Variants in ADAMTSL3 observed in about 807,000 individuals in gnomAD.
The protein encoded by ADAMTSL3 is ADAMTS-like protein 3.
A neutral mutation model predicts 201.7 loss-of-function variants in ADAMTSL3; 128 were observed. The ratio of observed to expected loss-of-function variants is 0.63; its 90% CI spans 0.55 to 0.73. ADAMTSL3 has a LOEUF of 0.73. ADAMTSL3 is among the 30% of genes least tolerant of loss of function. ADAMTSL3 has a pLI of 0.00. For missense variants in ADAMTSL3, 1,990 were observed against 2,119.6 expected (o/e 0.94, Z 1.20); for synonymous variants, 738 against 748.4 (o/e 0.99, Z 0.23).
intron 3 of ADAMTSL3, among the ~76,000 whole-genome samples, chr15:83,724,194 G>C (rs1020975345): frequency 2.0e-5 from 3 of 151,918 alleles, no homozygotes; most frequent in African/African-American, 7.3e-5. Context: ...TGCCTCTTGG[G>C]TTCAAGTGAT....
chr15:83,662,442 G>T (rs1386568996), intron 2 of ADAMTSL3, among the ~76,000 whole-genome samples: 8 of 145,216 alleles, frequency 5.5e-5, no homozygotes, highest in African/African-American at 1.8e-4. Flanking sequence ...GGGAGGGGGG[G>T]ATAGCATTGG....
intron 19 of ADAMTSL3, among the ~76,000 whole-genome samples, chr15:83,958,001 A>T (rs1236542091): frequency 6.6e-6 from 1 of 152,224 alleles, no homozygotes; most frequent in Non-Finnish European, 1.5e-5. Flanking sequence ...AGCAATTAGG[A>T]ATGCAGAAGG....
intron 4 of ADAMTSL3, among the ~76,000 whole-genome samples, chr15:83,789,798 TAC>T (rs1179561571): frequency 6.6e-6 from 1 of 152,186 alleles, no homozygotes; most frequent in Non-Finnish European, 1.5e-5. Flanking sequence ...GATAATAACA[TAC>T]AGTCATGCCA....
At chr15:83,823,264 A>G (rs78390543) in intron 6 of ADAMTSL3, among the ~76,000 whole-genome samples, 1,961 of 151,814 alleles carry the variant, frequency 0.013, 58 homozygotes, top group East Asian at 0.13. Context: ...TTAAAAAATA[A>G]TGAATGTGTC....
In ADAMTSL3 at chr15:83,724,273, A is replaced by G. The variant is rs571750880; in HGVS notation, c.189+19765A>G. 5.9e-5 allele frequency among the ~76,000 whole-genome samples: 9 copies of G among 151,638 alleles called. No individual in the cohort carries two copies. In the South Asian group the frequency reaches 1.7e-3, roughly 28 times the overall value. ...ACCACCACACACAGCTAATTTTTGTATTTTTAGTAGAGACACGGGTTTCAC... is the reference window on the plus strand; with the variant it reads ...ACCACCACACACAGCTAATTTTTGTGTTTTTAGTAGAGACACGGGTTTCAC... On this transcript the variant is annotated intron_variant, in intron 3 of 29. Coordinates refer to ENST00000286744, the MANE Select transcript of ADAMTSL3 (RefSeq NM_207517.3).
chr15:83,733,857 G>A (rs906395411), intron 3 of ADAMTSL3, among the ~76,000 whole-genome samples: 2 of 151,990 alleles, frequency 1.3e-5, no homozygotes, highest in Non-Finnish European at 2.9e-5. Context: ...AATTTATTTG[G>A]CGTAGTGCCC....
chr15:83,700,630 G>C (rs886165344), intron 2 of ADAMTSL3, among the ~76,000 whole-genome samples: 1 of 152,140 alleles, frequency 6.6e-6, no homozygotes, highest in Non-Finnish European at 1.5e-5. Flanking sequence ...CAGGCATGGT[G>C]GTGGGCACTT....
intron 17 of ADAMTSL3, among the ~76,000 whole-genome samples, chr15:83,924,549 C>A (rs1439736166): frequency 6.6e-6 from 1 of 152,152 alleles, no homozygotes; most frequent in Non-Finnish European, 1.5e-5. Context: ...TTATAAACCC[C>A]AATGAGTAGG....
At chr15:83,796,521 T>A (rs1215162937) in intron 4 of ADAMTSL3, among the ~76,000 whole-genome samples, 2 of 152,224 alleles carry the variant, frequency 1.3e-5, no homozygotes, top group Non-Finnish European at 2.9e-5. Flanking sequence ...AGCTATAATA[T>A]GTTCATATAT....
chr15:83,889,183 C>T (rs1253830377), intron 10 of ADAMTSL3, among the ~76,000 whole-genome samples: 1 of 152,092 alleles, frequency 6.6e-6, no homozygotes, highest in East Asian at 1.9e-4. Flanking sequence ...TTAATAGAAT[C>T]AGGAATAAGT....
At chr15:83,874,057 C>T (rs2065132308) in intron 9 of ADAMTSL3, among the ~76,000 whole-genome samples, 1 of 145,216 alleles carries the variant, frequency 6.9e-6, no homozygotes, top group Non-Finnish European at 1.5e-5. Flanking sequence ...AGAGGATGCT[C>T]CTTTCTCCAG....
chr15:83,715,060 T>G (rs1337545994), intron 3 of ADAMTSL3, among the ~76,000 whole-genome samples: 2 of 151,968 alleles, frequency 1.3e-5, no homozygotes, highest in African/African-American at 4.8e-5. Flanking sequence ...GTGGGTGTGG[T>G]CAAACAGTGC....
rs1017271003 is a variant in ADAMTSL3 at position 83,782,927 on chromosome 15, T to C, written c.317+9277T>C. Among the ~76,000 whole-genome samples, 42 of 147,978 alleles carry C rather than the reference T, an allele frequency of 2.8e-4. 2 individuals carry two copies. The East Asian group carries it at 8.2e-3, about 29-fold the overall frequency. On this transcript the variant is annotated intron_variant, in intron 4 of 29. Coordinates refer to ENST00000286744, the MANE Select transcript of ADAMTSL3 (RefSeq NM_207517.3). ...AATGGATAGCGTATATATATATATATATTATATGTATATATACACACATAT... is the reference window on the plus strand; with the variant it reads ...AATGGATAGCGTATATATATATATACATTATATGTATATATACACACATAT...
rs779545359 is a variant in ADAMTSL3, at chr15:83,982,649, C to T, written c.3021C>T (p.Ala1007=). ...ACAACCGGCTCATCGCACGCCCAGC[C>T]CTCAGGGAGCCTATGAGGGAATATC... ...GTDNRLIARP[A]LREPMREYPG... The change falls in exon 21 of 30, where the codon GCC becomes GCT. Residue 1007 remains alanine (A), a synonymous_variant. Coordinates refer to ENST00000286744, the MANE Select transcript of ADAMTSL3 (RefSeq NM_207517.3). 3 of 1,614,188 alleles carry T rather than the reference C, an allele frequency of 1.9e-6. No homozygotes were observed. In the South Asian group the frequency reaches 3.3e-5, roughly 18 times the overall value.
At chr15:83,791,292 A>G (rs1020361145) in intron 4 of ADAMTSL3, among the ~76,000 whole-genome samples, 1 of 152,236 alleles carries the variant, frequency 6.6e-6, no homozygotes, top group Non-Finnish European at 1.5e-5. Context: ...TCTTGATCAA[A>G]AAGAACAAAT....
At chr15:83,906,933 T>C (rs1404239770) in intron 15 of ADAMTSL3, among the ~76,000 whole-genome samples, 1 of 151,950 alleles carries the variant, frequency 6.6e-6, no homozygotes, top group Non-Finnish European at 1.5e-5. Context: ...CTGTAGGTTT[T>C]AAAATTACCA....
At chr15:83,744,690 A>C (rs2062514972) in intron 3 of ADAMTSL3, among the ~76,000 whole-genome samples, 1 of 152,156 alleles carries the variant, frequency 6.6e-6, no homozygotes, top group Admixed American at 6.5e-5. Flanking sequence ...AGAGCTCTTG[A>C]ATTTATTTTA....
intron 2 of ADAMTSL3, among the ~76,000 whole-genome samples, chr15:83,695,716 A>T (rs2061678757): frequency 6.6e-6 from 1 of 152,192 alleles, no homozygotes; most frequent in African/African-American, 2.4e-5. Flanking sequence ...TTGGAAAAAA[A>T]TGTGAAAAGT....
rs201924123 is a variant in ADAMTSL3, at chr15:83,983,113, C to G, written c.3485C>G (p.Ser1162Trp). ...GAAACAGGGAGTGTGTCCCAAAGCTCGCATGCAAAAAACTCAGGCAAGCTG... is the reference window on the plus strand; with the variant it reads ...GAAACAGGGAGTGTGTCCCAAAGCTGGCATGCAAAAAACTCAGGCAAGCTG... ...RGETGSVSQSSHAKNSGKLTF... is the reference protein window; with the variant it reads ...RGETGSVSQSWHAKNSGKLTF... Residue 1162 changes from serine (S) to tryptophan (W), a missense_variant, in exon 21 of 30, where the codon TCG becomes TGG. Ser to Trp is a radical substitution (Grantham distance 177, BLOSUM62 -3). Transcript: ENST00000286744. 2.1e-5 allele frequency: 34 copies of G among 1,613,564 alleles called. No individual in the cohort carries two copies. The East Asian group carries it at 6.7e-4, about 32-fold the overall frequency.
Sources: allele counts gnomAD v4.1 joint callset (sites outside exome capture counted in the v4.1 genomes callset), GRCh38; gene constraint gnomAD v4.1.1; transcripts MANE v1.5; gene names NCBI Gene and HGNC (gene_info 2026-07-23, HGNC 2026-07-21).